Variants in RAP1GAP2 observed in about 807,000 individuals in gnomAD.
RAP1GAP2 encodes rap1 GTPase-activating protein 2.
Under a neutral mutation model 95.0 loss-of-function variants are expected in RAP1GAP2, and 27 were observed. The ratio of observed to expected loss-of-function variants is 0.28; its 90% confidence interval spans 0.21 to 0.39. RAP1GAP2 has a LOEUF of 0.39. RAP1GAP2 is among the 10% of genes least tolerant of loss of function. The pLI is 1.00. For synonymous variants in RAP1GAP2, 373 were observed against 380.9 expected, an observed-to-expected ratio of 0.98 and a Z score of 0.24; for missense variants, 771 against 970.0, an observed-to-expected ratio of 0.79 and a Z score of 2.72.
chr17:2,932,274 G>A (rs563502726), intron 3 of RAP1GAP2, among the ~76,000 whole-genome samples: 62 of 152,216 alleles, frequency 4.1e-4, no homozygotes, highest in Non-Finnish European at 7.1e-4. Context: ...AGGCAGGAGC[G>A]TGTGGGAGCG....
At chr17:2,788,107 T>C (rs2068834110) in intron 1 of RAP1GAP2, among the ~76,000 whole-genome samples, 3 of 152,204 alleles carry the variant, frequency 2.0e-5, no homozygotes, top group Non-Finnish European at 4.4e-5. Flanking sequence ...GCAATAAATT[T>C]CTAAAAACAA....
chr17:2,939,369 C>T (rs1434597116), intron 3 of RAP1GAP2, among the ~76,000 whole-genome samples: 2 of 152,262 alleles, frequency 1.3e-5, no homozygotes, highest in African/African-American at 4.8e-5. Flanking sequence ...GGATGACAGG[C>T]GGGAGCCGCC....
intron 3 of RAP1GAP2, among the ~76,000 whole-genome samples, chr17:2,919,452 C>T (rs1024850238): frequency 1.3e-5 from 2 of 152,286 alleles, no homozygotes; most frequent in African/African-American, 4.8e-5. Flanking sequence ...AGCAGTTTGT[C>T]CCTATCATAA....
At chr17:2,832,308 C>A (rs1416089455) in intron 2 of RAP1GAP2, among the ~76,000 whole-genome samples, 1 of 151,780 alleles carries the variant, frequency 6.6e-6, no homozygotes, top group Admixed American at 6.6e-5. Context: ...CCTGTAATCC[C>A]AGCACTTTGG....
At position 2,827,449 on chromosome 17, in the gene RAP1GAP2, G is replaced by C. The variant is rs183340640; in HGVS notation, c.80+26899G>C. Among the ~76,000 whole-genome samples the C allele has an allele frequency of 6.2e-4, 94 of 152,154 alleles. No individual in the cohort carries two copies. The highest frequency in any genetic ancestry group is 2.1e-3 in the African/African-American group (89 of 41,508). On this transcript the variant is annotated intron_variant, in intron 2 of 24. Coordinates refer to ENST00000254695, the MANE Select transcript of RAP1GAP2 (RefSeq NM_015085.5). The surrounding 1 kb of genome is among the most constrained non-coding windows in gnomAD (Gnocchi z 4.1). ...GAAATAGAACAGTGAGGCGATGAGGGTGGGGCTCGGGGCTGGGGGAAGGGG... is the reference window on the plus strand; with the variant it reads ...GAAATAGAACAGTGAGGCGATGAGGCTGGGGCTCGGGGCTGGGGGAAGGGG...
At chr17:2,905,445 C>A in intron 3 of RAP1GAP2, 77 bp downstream of exon 3, 1 of 1,422,514 alleles carries the variant, frequency 7.0e-7, no homozygotes, top group Non-Finnish European at 9.7e-7. Context: ...GCTTTGGCTC[C>A]AGGCCCAGCA....
chr17:2,920,432 C>T (rs2042722620), intron 3 of RAP1GAP2, among the ~76,000 whole-genome samples: 1 of 152,226 alleles, frequency 6.6e-6, no homozygotes, highest in African/African-American at 2.4e-5. Context: ...CATCCCACCC[C>T]AGAACTTAGC....
chr17:2,934,900 A>G lies in RAP1GAP2; in HGVS notation c.166-22859A>G, dbSNP rs564554887. On this transcript the variant is annotated intron_variant, in intron 3 of 24. Transcript: ENST00000254695. The stretch of plus-strand genomic sequence containing the variant: ...AGATCAGTCTTAGCTATTCGTGTGA[A>G]ACAGAATATGACGCCTACCAAAACC... 3.3e-4 allele frequency among the ~76,000 whole-genome samples: 50 copies of G among 152,308 alleles called. 1 individual carries two copies. The Middle Eastern group carries it at 0.01, about 31-fold the overall frequency.
At chr17:2,913,025 A>G (rs1475658482) in intron 3 of RAP1GAP2, among the ~76,000 whole-genome samples, 1 of 152,098 alleles carries the variant, frequency 6.6e-6, no homozygotes, top group Non-Finnish European at 1.5e-5. Flanking sequence ...AAAAAATTAA[A>G]AAATTAGCTG....
At chr17:2,808,541 G>A (rs1177735566) in intron 2 of RAP1GAP2, among the ~76,000 whole-genome samples, 2 of 152,110 alleles carry the variant, frequency 1.3e-5, no homozygotes, top group Admixed American at 6.5e-5. Context: ...GCTGGTCTGC[G>A]GCCTGGGAAG....
chr17:2,997,922 CAAAAA>C (rs1313908992), intron 13 of RAP1GAP2, among the ~76,000 whole-genome samples: 1 of 67,730 alleles, frequency 1.5e-5, no homozygotes, highest in Non-Finnish European at 3.0e-5. Context: ...GACCCTGTCT[CAAAAA>C]AAAAAAAAAA....
chr17:2,762,529 C>G (rs1224262793), intron 1 of RAP1GAP2, among the ~76,000 whole-genome samples: 1 of 151,342 alleles, frequency 6.6e-6, no homozygotes, highest in East Asian at 1.9e-4. Context: ...TCCTGAATAG[C>G]TGGGATTAGA....
intron 3 of RAP1GAP2, among the ~76,000 whole-genome samples, chr17:2,954,760 A>G (rs2044050632): frequency 6.7e-6 from 1 of 150,296 alleles, no homozygotes; most frequent in South Asian, 2.1e-4. Context: ...AGCCCAGCTA[A>G]TTTTTGTATT....
At chr17:2,884,163 T>C (rs1038466626) in intron 2 of RAP1GAP2, among the ~76,000 whole-genome samples, 1 of 152,154 alleles carries the variant, frequency 6.6e-6, no homozygotes, top group Non-Finnish European at 1.5e-5. Flanking sequence ...AGAAGCATCC[T>C]CTTACGCCAG....
Position 2,870,534 on chromosome 17 carries a change from A to C in RAP1GAP2, c.81-34750A>C, listed in dbSNP as rs2072800595. On this transcript the variant is annotated intron_variant, in intron 2 of 24. Coordinates refer to ENST00000254695, the MANE Select transcript of RAP1GAP2 (RefSeq NM_015085.5). This position sits in a 1 kb window ranked among gnomAD's most constrained non-coding sequence, Gnocchi z 4.4. The stretch of plus-strand genomic sequence containing the variant: ...TAAAATAAAAATCACCTTCAGTCCC[A>C]CAAGGGAGACTGTAGAGATATTAAC... 6.6e-6 allele frequency among the ~76,000 whole-genome samples: 1 copy of C among 152,252 alleles called. No individual in the cohort carries two copies. Among genetic ancestry groups the C allele is most frequent in the African/African-American group, 2.4e-5 (1 of 41,474 alleles).
At chr17:3,030,659 A>G (rs2047263114) in intron 22 of RAP1GAP2, among the ~76,000 whole-genome samples, 1 of 152,234 alleles carries the variant, frequency 6.6e-6, no homozygotes, top group African/African-American at 2.4e-5. Context: ...TCAAGTATTT[A>G]TTACCTCTGT....
chr17:2,936,451 CACAG>C (rs2043313760), intron 3 of RAP1GAP2, among the ~76,000 whole-genome samples: 4 of 151,830 alleles, frequency 2.6e-5, no homozygotes, highest in Non-Finnish European at 4.4e-5. Flanking sequence ...CTGAGGTTAA[CACAG>C]ACAAACGCAC....
chr17:2,775,633 G>A (rs1597283800), upstream of RAP1GAP2, among the ~76,000 whole-genome samples: 1 of 152,140 alleles, frequency 6.6e-6, no homozygotes, highest in Admixed American at 6.6e-5. Context: ...AGACAGAAGC[G>A]AAAACTTCTG....
rs897555684 is a variant in RAP1GAP2, at chr17:3,032,862, C to T, written c.*30+413C>T. On this transcript the variant is annotated intron_variant, in intron 24 of 24. Coordinates refer to ENST00000254695, the MANE Select transcript of RAP1GAP2 (RefSeq NM_015085.5). ...GCTGAGGTGTGTTCTCCCTCCCTGT[C>T]GGGAGTCAGCACTGTGAGGGACCAC... Among the ~76,000 whole-genome samples, 28 of 152,244 alleles carry T rather than the reference C, an allele frequency of 1.8e-4. 1 individual carries two copies. The highest frequency in any genetic ancestry group is 1.2e-4 in the Non-Finnish European group (8 of 68,008).
Sources: gnomAD v4.1 joint callset for allele counts (sites outside exome capture counted in the v4.1 genomes callset) on GRCh38, gnomAD v4.1.1 for gene constraint, Gnocchi (gnomAD v3.1) non-coding constraint, MANE v1.5 for transcripts, NCBI Gene and HGNC (gene_info 2026-07-23, HGNC 2026-07-21) for gene names.